SLC22A8: variants seen among roughly 807,000 people sequenced by gnomAD.
The protein encoded by SLC22A8 is solute carrier family 22 member 8, also known as organic anion transporter 3.
In SLC22A8, 40 loss-of-function variants were observed where a neutral mutation model predicts 48.4. The ratio of observed to expected loss-of-function variants is 0.83; its 90% CI spans 0.64 to 1.08. The LOEUF (loss-of-function observed/expected upper bound fraction) is 1.08, where lower values mean the gene tolerates loss of function less well. SLC22A8 is among the 50% of genes least tolerant of loss of function. The pLI is 0.00. For synonymous variants in SLC22A8, 268 were observed against 286.3 expected (o/e 0.94, Z 0.65); for missense variants, 606 against 699.0 (o/e 0.87, Z 1.50).
At chr11:62,995,480 G>C (rs1590688313) in intron 7 of SLC22A8, 1 of 571,636 alleles carries the variant, frequency 1.7e-6, no homozygotes, top group Non-Finnish European at 3.1e-6. Context: ...GTGAGGGGTG[G>C]GGCATTGTGA....
intron 2 of SLC22A8, among the ~76,000 whole-genome samples, chr11:63,011,777 G>A (rs2086621237): frequency 6.6e-6 from 1 of 152,162 alleles, no homozygotes. Flanking sequence ...GCCTTCGAAG[G>A]TGACCTGTGG....
rs760891393 is a variant in SLC22A8 at position 62,993,265 on chromosome 11, G to T, written c.1601C>A (p.Pro534His). ...GCTGGAGCCCAGGCCTGGTCCGTGA[G>T]GCTGTAGAGGGATCCTCTGGGAGGC... ...EKASQRIPLQPHGPGLGSS is the reference protein window; with the variant it reads ...EKASQRIPLQHHGPGLGSS The change falls in exon 11 of 11, where the codon CCT becomes CAT. Residue 534 changes from proline to histidine, a missense_variant. Transcript: ENST00000336232. 1.2e-6 allele frequency: 2 copies of T among 1,613,128 alleles called. No homozygotes were observed. Among genetic ancestry groups the T allele is most frequent in the Admixed American group, 3.3e-5 (2 of 59,994 alleles).
intron 2 of SLC22A8, among the ~76,000 whole-genome samples, chr11:63,004,399 CCACTCTCGT>C (rs2086531978): frequency 6.6e-6 from 1 of 152,200 alleles, no homozygotes; most frequent in African/African-American, 2.4e-5. Context: ...CTCACATACT[CCACTCTCGT>C]TGAATTGTTC....
chr11:63,012,809 G>T (rs1400767915), intron 2 of SLC22A8, among the ~76,000 whole-genome samples: 1 of 152,220 alleles, frequency 6.6e-6, no homozygotes, highest in African/African-American at 2.4e-5. Context: ...TGGAGGGAAC[G>T]CAGGGCTAGC....
At chr11:63,001,784 A>G (rs2086498114) in intron 2 of SLC22A8, among the ~76,000 whole-genome samples, 1 of 152,208 alleles carries the variant, frequency 6.6e-6, no homozygotes. Flanking sequence ...ACAGAGGAGT[A>G]GATTCAGTGG....
intron 1 of SLC22A8, 66 bp from the exon 2 acceptor site, chr11:63,015,049 G>A (rs2086659693): frequency 2.1e-5 from 23 of 1,090,196 alleles, no homozygotes; most frequent in Non-Finnish European, 2.6e-5. Flanking sequence ...TCTATGGAAC[G>A]ATATGTGGGA....
chr11:63,001,879 C>T (rs1341338162), intron 2 of SLC22A8, among the ~76,000 whole-genome samples: 1 of 152,060 alleles, frequency 6.6e-6, no homozygotes, highest in Admixed American at 6.6e-5. Flanking sequence ...CATTAAAGTC[C>T]CAATCTCAGG....
In SLC22A8 at chr11:62,999,025, G is replaced by T; in HGVS notation, c.657C>A (p.Thr219=). 1 of 1,614,226 alleles carries T rather than the reference G, an allele frequency of 6.2e-7. No individual in the cohort carries two copies. The highest frequency in any genetic ancestry group is 8.5e-7 in the Non-Finnish European group (1 of 1,180,014). ...GGCCGGGCAGAATGAACTGGCCAAA[G>T]GTGTAGCAGTACCCGAGTGCTGTCG... ...IMSTALGYCY[T]FGQFILPGLA... Residue 219 remains threonine (T), a synonymous_variant, in exon 5 of 11, where the codon ACC becomes ACA. Transcript: ENST00000336232.
chr11:62,994,995 G>A, intron 7 of SLC22A8: 1 of 563,078 alleles, frequency 1.8e-6, no homozygotes, highest in South Asian at 2.0e-5. Flanking sequence ...GGTGGCAAAG[G>A]TGCCAATAAC....
intron 2 of SLC22A8, among the ~76,000 whole-genome samples, chr11:63,011,734 A>T (rs2086620710): frequency 2.0e-5 from 3 of 152,152 alleles, no homozygotes; most frequent in Non-Finnish European, 4.4e-5. Flanking sequence ...AACACTCCAC[A>T]AACTACCCTC....
intron 3 of SLC22A8, 110 bp downstream of exon 3, chr11:63,000,610 T>C (rs2086481569): frequency 1.5e-6 from 1 of 676,100 alleles, no homozygotes; most frequent in Admixed American, 2.2e-5. Flanking sequence ...GCAAGAGCCA[T>C]CCCACCCTCC....
chr11:62,998,335 A>T (rs1389166173), intron 5 of SLC22A8, among the ~76,000 whole-genome samples: 2 of 151,720 alleles, frequency 1.3e-5, no homozygotes, highest in Non-Finnish European at 2.9e-5. Context: ...CTCTCTGCCC[A>T]CTCTGGGTCT....
Position 62,995,834 on chromosome 11 carries a change from G to T in SLC22A8, c.886-15C>A. ...AGTTTGAGCTCCTTCGGGCAGAGGA[G>T]GGGGAGGGGTGCCATTAATGACCAG... On this transcript the variant is annotated splice_polypyrimidine_tract_variant and intron_variant, in intron 6 of 10. Transcript: ENST00000336232. 2 of 1,596,848 alleles carry T rather than the reference G, an allele frequency of 1.3e-6. No homozygotes were observed. The highest frequency in any genetic ancestry group is 1.1e-5 in the South Asian group (1 of 90,744).
At chr11:63,006,106 C>T (rs1475653536) in intron 2 of SLC22A8, among the ~76,000 whole-genome samples, 1 of 150,078 alleles carries the variant, frequency 6.7e-6, no homozygotes, top group Non-Finnish European at 1.5e-5. Flanking sequence ...TGCAAAGACC[C>T]TAAGAAGGCC....
Position 63,000,830 on chromosome 11 carries a change from A to T in SLC22A8, c.334-7T>A. ...AGTTGCACACCAAGTCCCACTGCAC[A>T]AGAGAAAGGTAGGGCTAGCCTAACT... On this transcript the variant is annotated splice_region_variant and splice_polypyrimidine_tract_variant and intron_variant, in intron 2 of 10. Transcript: ENST00000336232. 1 of 1,608,360 alleles carries T rather than the reference A, an allele frequency of 6.2e-7. No homozygotes were observed. The highest frequency in any genetic ancestry group is 8.5e-7 in the Non-Finnish European group (1 of 1,174,780).
rs189509860 is a variant in SLC22A8 at position 63,007,619 on chromosome 11, G to A, written c.334-6796C>T. Among the ~76,000 whole-genome samples the A allele has an allele frequency of 1.1e-3, 175 of 152,256 alleles. 2 individuals carry two copies. The highest frequency in any genetic ancestry group is 1.1e-3 in the Non-Finnish European group (76 of 68,022). On this transcript the variant is annotated intron_variant, in intron 2 of 10. Transcript: ENST00000336232. ...TGGGATTACAGGCATAAGCCACTGCGCCTGGCCTAGTTCAGTGTTCTTGAC... is the reference window on the plus strand; with the variant it reads ...TGGGATTACAGGCATAAGCCACTGCACCTGGCCTAGTTCAGTGTTCTTGAC...
chr11:62,996,050 CTCT>C lies in SLC22A8; in HGVS notation c.861_863del (p.Glu288del). On this transcript the variant is annotated inframe_deletion, in exon 6 of 11. Coordinates refer to ENST00000336232, the MANE Select transcript of SLC22A8 (RefSeq NM_004254.4). ...CTACCTCCAAGCTGAGCCTTTCTCCCTCTTCCTTCTTGCCATTGAAGACAGCCA... is the reference window on the plus strand; with the variant it reads ...CTACCTCCAAGCTGAGCCTTTCTCCCTCCTTCTTGCCATTGAAGACAGCCA... 6 of 1,614,098 alleles carry C rather than the reference CTCT, an allele frequency of 3.7e-6. No homozygotes were observed. The highest frequency in any genetic ancestry group is 5.1e-6 in the Non-Finnish European group (6 of 1,180,004).
At position 62,993,177 on chromosome 11, in the gene SLC22A8, T is replaced by C; in HGVS notation, c.*60A>G. On this transcript the variant is annotated 3_prime_UTR_variant, in exon 11 of 11. Coordinates refer to ENST00000336232, the MANE Select transcript of SLC22A8 (RefSeq NM_004254.4). The stretch of plus-strand genomic sequence containing the variant: ...GGACCTATATGGGGCCTCCCTATAC[T>C]CCTAAGGTGCCTGGCTAGGATCAGT... 1 of 1,366,492 alleles carries C rather than the reference T, an allele frequency of 7.3e-7. No homozygotes were observed. The highest frequency in any genetic ancestry group is 1.0e-6 in the Non-Finnish European group (1 of 976,986). The allele number at this position is 1,366,492 out of a possible 1,614,324, so 84.6% of individuals were successfully genotyped here.
At chr11:62,996,293 A>G in intron 5 of SLC22A8, 141 bp from the exon 6 acceptor site, 1 of 825,880 alleles carries the variant, frequency 1.2e-6, no homozygotes, top group East Asian at 2.8e-5. Context: ...ATGGAATTTA[A>G]ACTTGGACAA....
Sources: allele counts gnomAD v4.1 joint callset (sites outside exome capture counted in the v4.1 genomes callset), GRCh38; gene constraint gnomAD v4.1.1; transcripts MANE v1.5; gene names NCBI Gene and HGNC (gene_info 2026-07-23, HGNC 2026-07-21).